ANKRD30BL: variants seen among roughly 807,000 people sequenced by gnomAD.
ANKRD30BL encodes ankyrin repeat domain 30B like.
ANKRD30BL carries 20 observed loss-of-function variants against 18.4 expected under a neutral mutation model. The ratio of observed to expected loss-of-function variants is 1.09; its 90% confidence interval spans 0.77 to 1.58. The LOEUF (loss-of-function observed/expected upper bound fraction) is 1.58. ANKRD30BL is among the 40% of genes most tolerant of loss of function. The pLI, the probability that ANKRD30BL is intolerant of heterozygous loss-of-function variation, is 0.00. For synonymous variants in ANKRD30BL, 72 were observed against 100.9 expected (o/e 0.71, Z 1.72); for missense variants, 224 against 268.6 (o/e 0.83, Z 1.16).
At chr2:132,223,077 C>G (rs62165534) in intron 1 of ANKRD30BL, among the ~76,000 whole-genome samples, 1 of 149,574 alleles carries the variant, frequency 6.7e-6, no homozygotes, top group Non-Finnish European at 1.5e-5. Flanking sequence ...ATATTTGGAC[C>G]GCTTTGAGGC....
intron 1 of ANKRD30BL, among the ~76,000 whole-genome samples, chr2:132,234,409 G>A (rs984294748): frequency 2.0e-5 from 3 of 151,858 alleles, no homozygotes; most frequent in African/African-American, 7.3e-5. Context: ...CTGGTTTTTT[G>A]AAAGGATCAA....
At chr2:132,193,929 G>C (rs911553787) in intron 1 of ANKRD30BL, among the ~76,000 whole-genome samples, 1 of 151,798 alleles carries the variant, frequency 6.6e-6, no homozygotes, top group African/African-American at 2.4e-5. Context: ...CTTAGGTCCA[G>C]TAACCAAAAG....
chr2:132,246,972 A>T (rs1229718594), intron 1 of ANKRD30BL, among the ~76,000 whole-genome samples: 1 of 152,070 alleles, frequency 6.6e-6, no homozygotes, highest in Non-Finnish European at 1.5e-5. Context: ...TGGAAACGGG[A>T]ACATCTTCAC....
intron 4 of ANKRD30BL, 57 bp from the exon 5 acceptor site, chr2:132,151,033 T>G: frequency 1.9e-6 from 1 of 517,118 alleles, no homozygotes; most frequent in Non-Finnish European, 3.4e-6. Flanking sequence ...ATAAAAAATA[T>G]TTACCAAATT....
chr2:132,219,388 C>T (rs1287286607), intron 1 of ANKRD30BL, among the ~76,000 whole-genome samples: 1 of 151,916 alleles, frequency 6.6e-6, no homozygotes, highest in Non-Finnish European at 1.5e-5. Context: ...AGATTTGAAG[C>T]TTTCTTTAGA....
intron 1 of ANKRD30BL, among the ~76,000 whole-genome samples, chr2:132,235,398 G>C (rs1680127107): frequency 6.6e-6 from 1 of 152,106 alleles, no homozygotes; most frequent in Non-Finnish European, 1.5e-5. Context: ...AAGTCAAATT[G>C]TCCCTGTTTG....
At chr2:132,217,767 G>A (rs566174151) in intron 1 of ANKRD30BL, among the ~76,000 whole-genome samples, 957 of 152,158 alleles carry the variant, frequency 6.3e-3, no homozygotes, top group Non-Finnish European at 1.0e-2. Context: ...CATTGGAAAC[G>A]GGTATATCTT....
At chr2:132,227,919 C>T (rs1456915626) in intron 1 of ANKRD30BL, among the ~76,000 whole-genome samples, 1 of 151,904 alleles carries the variant, frequency 6.6e-6, no homozygotes, top group African/African-American at 2.4e-5. Context: ...AAGGAAATAT[C>T]CTCACATAAA....
rs549037693 is a variant in ANKRD30BL, at chr2:132,253,852, G to A, written n.441+3677C>T. ...CCCCCTACCCTCGAGACCCCCTAGC[G>A]GGAAGGCTGGGGAGAGCAAGCGGGC... On this transcript the variant is annotated intron_variant and non_coding_transcript_variant, in intron 1 of 4. Coordinates refer to the ANKRD30BL transcript ENST00000470729. Among the ~76,000 whole-genome samples the A allele has an allele frequency of 2.2e-3, 328 of 152,196 alleles. 1 individual carries two copies. The highest frequency in any genetic ancestry group is 7.4e-3 in the African/African-American group (309 of 41,544).
At chr2:132,211,337 A>G (rs1278926203) in intron 1 of ANKRD30BL, among the ~76,000 whole-genome samples, 1 of 151,956 alleles carries the variant, frequency 6.6e-6, no homozygotes, top group Admixed American at 6.6e-5. Context: ...CTCTTTATGT[A>G]TAATCTGCCA....
chr2:132,254,223 C>A (rs371670702), intron 1 of ANKRD30BL, among the ~76,000 whole-genome samples: 1 of 151,514 alleles, frequency 6.6e-6, no homozygotes, highest in Admixed American at 6.6e-5. Flanking sequence ...CTCTGGCTCT[C>A]GGGGCAGGTG....
At chr2:132,152,969 C>T (rs535222544) in intron 4 of ANKRD30BL, among the ~76,000 whole-genome samples, 6 of 152,192 alleles carry the variant, frequency 3.9e-5, no homozygotes, top group African/African-American at 7.2e-5. Context: ...AGAATATGTA[C>T]GTGAACTTTA....
intron 1 of ANKRD30BL, among the ~76,000 whole-genome samples, chr2:132,175,325 C>T (rs1688344541): frequency 1.3e-5 from 2 of 152,038 alleles, no homozygotes; most frequent in South Asian, 4.2e-4. Flanking sequence ...AGGGGAGGTA[C>T]TATGCCTGGA....
At chr2:132,199,491 C>CTTTCT (rs1233578224) in intron 1 of ANKRD30BL, among the ~76,000 whole-genome samples, 3 of 151,708 alleles carry the variant, frequency 2.0e-5, no homozygotes, top group Admixed American at 2.0e-4. Context: ...TAATTTCTTT[C>CTTTCT]TTTCTTTTCT....
intron 1 of ANKRD30BL, among the ~76,000 whole-genome samples, chr2:132,248,665 A>AT (rs1334958729): frequency 6.6e-6 from 1 of 152,000 alleles, no homozygotes; most frequent in Non-Finnish European, 1.5e-5. Flanking sequence ...CCCTTTGCAG[A>AT]TTTTACAAGA....
intron 1 of ANKRD30BL, among the ~76,000 whole-genome samples, chr2:132,216,438 G>C (rs1446591489): frequency 6.6e-6 from 1 of 151,846 alleles, no homozygotes; most frequent in South Asian, 2.1e-4. Context: ...TCTTACTTTT[G>C]GTTGAGCAGT....
At chr2:132,219,706 G>A (rs77265534) in intron 1 of ANKRD30BL, among the ~76,000 whole-genome samples, 1 of 151,866 alleles carries the variant, frequency 6.6e-6, no homozygotes, top group Non-Finnish European at 1.5e-5. Context: ...TTTGATGTTT[G>A]TATTCAACTG....
At chr2:132,221,829 GC>G (rs1213054467) in intron 1 of ANKRD30BL, among the ~76,000 whole-genome samples, 2 of 112,314 alleles carry the variant, frequency 1.8e-5, no homozygotes, top group Non-Finnish European at 3.4e-5. Context: ...GGGGGGGTCA[GC>G]CCCCCGCCCG....
At chr2:132,162,704 C>T (rs1259021317), upstream of ANKRD30BL, among the ~76,000 whole-genome samples, 10 of 152,378 alleles carry the variant, frequency 6.6e-5, no homozygotes, top group African/African-American at 2.4e-4. Context: ...CTGGGCCCGA[C>T]GGCCTGAGGG....
Sources: gnomAD v4.1 joint callset for allele counts (sites outside exome capture counted in the v4.1 genomes callset) on GRCh38, gnomAD v4.1.1 for gene constraint, MANE v1.5 for transcripts, NCBI Gene and HGNC (gene_info 2026-07-23, HGNC 2026-07-21) for gene names.